Variants in BCORL1 observed in about 807,000 individuals in gnomAD.
BCORL1 encodes the protein BCL-6 corepressor-like protein 1.
A neutral mutation model predicts 87.6 loss-of-function variants in BCORL1; 7 were observed. The observed-to-expected ratio is 0.08, with a 90% CI of 0.05 to 0.15. BCORL1 has a LOEUF of 0.15. Among genes scored for constraint, BCORL1 ranks in the 10% least tolerant of loss-of-function variants. The pLI is 1.00. For missense variants in BCORL1, 1,215 were observed against 1,499.7 expected (o/e 0.81, Z 3.13); for synonymous variants, 591 against 634.4 (o/e 0.93, Z 1.03).
In BCORL1 at chrX:130,037,516, T is replaced by C. The variant is rs761149432; in HGVS notation, c.4677T>C (p.Ser1559=). Residue 1559 remains serine, a synonymous_variant, in exon 10 of 14, where the codon AGT becomes AGC. Coordinates refer to ENST00000540052, the MANE Select transcript of BCORL1 (RefSeq NM_001379451.1). ...LLEHGANVNC[S]AQDGTRPVHD... is the part of the protein sequence containing the mutation. Reference sequence around the variant, plus strand: ...AGCACGGGGCCAACGTGAACTGCAGTGCGCAGGACGGCACGAGGCAAGAGG... The same window carrying C: ...AGCACGGGGCCAACGTGAACTGCAGCGCGCAGGACGGCACGAGGCAAGAGG... 17 of 1,207,055 alleles carry C rather than the reference T, an allele frequency of 1.4e-5. No homozygotes were observed. Among genetic ancestry groups the C allele is most frequent in the Admixed American group, 4.4e-5 (2 of 45,564 alleles).
At chrX:130,050,619 C>A in intron 11 of BCORL1, 98 bp from the exon 12 acceptor site, 1 of 710,310 alleles carries the variant, frequency 1.4e-6, no homozygotes. Context: ...CCTTCCTTCC[C>A]TTCTCCCATT....
chrX:129,999,005 CAT>C (rs1280194622), intron 1 of BCORL1, among the ~76,000 whole-genome samples: 3 of 109,466 alleles, frequency 2.7e-5, no homozygotes, highest in Non-Finnish European at 5.7e-5. Flanking sequence ...GTGGTCATAA[CAT>C]GTGTATTATA....
At chrX:130,051,834 T>G (rs1436056722) in intron 12 of BCORL1, 26 bp from the exon 13 acceptor site, 10 of 1,155,046 alleles carry the variant, frequency 8.7e-6, no homozygotes, top group Non-Finnish European at 1.0e-5. Flanking sequence ...ATCTGAGTCC[T>G]AATCCCCTAT....
rs142798050 is a variant in BCORL1, at chrX:130,020,737, G to A, written c.3442-248G>A. ...GGTGTTTATTCACTGGCTTTTGAAC[G>A]CAGACTCTGTAGACCTCTTTAAAGT... On this transcript the variant is annotated intron_variant, in intron 4 of 13. Coordinates refer to ENST00000540052, the MANE Select transcript of BCORL1 (RefSeq NM_001379451.1). 8.0e-3 allele frequency among the ~76,000 whole-genome samples: 897 copies of A among 111,618 alleles called. 11 individuals carry two copies. Among genetic ancestry groups the A allele is most frequent in the African/African-American group, 0.028 (847 of 30,649 alleles).
At chrX:130,054,054 C>T (rs1426392719) in intron 13 of BCORL1, among the ~76,000 whole-genome samples, 1 of 112,169 alleles carries the variant, frequency 8.9e-6, no homozygotes, top group Non-Finnish European at 1.9e-5. Context: ...ATAAACATGT[C>T]TTAAACAGCT....
intron 4 of BCORL1, among the ~76,000 whole-genome samples, chrX:130,020,710 TG>T (rs1471117852): frequency 8.9e-6 from 1 of 111,813 alleles, no homozygotes; most frequent in Non-Finnish European, 1.9e-5. Flanking sequence ...AAAATGACTT[TG>T]GGTGTTTATT....
rs1206735842 is a variant in BCORL1 at position 130,037,363 on chromosome X, A to G, written c.4528-4A>G. Reference sequence around the variant, plus strand: ...TGCTCATGGAGTTGTCCCTGTCCCCACAGGATGTTGTTCTCTACTGCCTCC... The same window carrying G: ...TGCTCATGGAGTTGTCCCTGTCCCCGCAGGATGTTGTTCTCTACTGCCTCC... On this transcript the variant is annotated splice_polypyrimidine_tract_variant and splice_region_variant and intron_variant, in intron 9 of 13. Transcript: ENST00000540052. 6 of 1,208,851 alleles carry G rather than the reference A, an allele frequency of 5.0e-6. No individual in the cohort carries two copies. The highest frequency in any genetic ancestry group is 2.2e-5 in the Admixed American group (1 of 45,699).
chrX:130,043,062 C>G lies in BCORL1; in HGVS notation c.4840+3780C>G, dbSNP rs184825225. Among the ~76,000 whole-genome samples the G allele has an allele frequency of 6.5e-3, 618 of 94,850 alleles. 5 individuals are homozygous for G. Among genetic ancestry groups the G allele is most frequent in the African/African-American group, 0.023 (566 of 25,058 alleles). The allele number at this position is 94,850 out of a possible 115,157, so 82.4% of individuals were successfully genotyped here. ...TTTTTTTTTTTTTCCTGAGACAAAT[C>G]TCACTGTTACCCAGGCTGGAATGCA... On this transcript the variant is annotated intron_variant, in intron 11 of 13. Transcript: ENST00000540052.
chrX:130,032,707 C>T (rs999110669), intron 8 of BCORL1, among the ~76,000 whole-genome samples: 7 of 110,243 alleles, frequency 6.3e-5, no homozygotes, highest in South Asian at 3.8e-4. Flanking sequence ...CCAATTATAG[C>T]ATCACCTCCA....
intron 2 of BCORL1, among the ~76,000 whole-genome samples, chrX:130,007,910 C>T (rs1928622615): frequency 8.9e-6 from 1 of 112,371 alleles, no homozygotes. Context: ...GGCTCAAAAT[C>T]TGATTTTCCC....
At chrX:130,022,818 C>A in intron 5 of BCORL1, 79 bp from the exon 6 acceptor site, 1 of 887,097 alleles carries the variant, frequency 1.1e-6, no homozygotes, top group East Asian at 3.1e-5. Flanking sequence ...TCCCCCGAGC[C>A]TCACAGGTGG....
intron 11 of BCORL1, among the ~76,000 whole-genome samples, chrX:130,045,952 G>C (rs957300067): frequency 1.9e-4 from 21 of 110,870 alleles, no homozygotes; most frequent in Non-Finnish European, 3.4e-4. Flanking sequence ...AATTTATCGA[G>C]ATGAAATTCA....
chrX:130,039,098 C>T, intron 10 of BCORL1, 39 bp from the exon 11 acceptor site: 1 of 1,203,905 alleles, frequency 8.3e-7, no homozygotes, highest in Non-Finnish European at 1.1e-6. Flanking sequence ...CCAGTTCCCA[C>T]TTGGGCCCTG....
chrX:130,032,733 C>CTATT (rs61204194), intron 8 of BCORL1, among the ~76,000 whole-genome samples: 3,037 of 87,534 alleles, frequency 0.035, 46 homozygotes, highest in African/African-American at 0.058. Flanking sequence ...AGAATCTCTT[C>CTATT]TATTTATTTA....
At chrX:130,042,967 C>T (rs774146927) in intron 11 of BCORL1, among the ~76,000 whole-genome samples, 13 of 68,820 alleles carry the variant, frequency 1.9e-4, no homozygotes, top group Admixed American at 5.6e-4. Context: ...AGCGAGACTC[C>T]GTCTCAAAAA....
At chrX:129,991,316 T>C (rs1349831458) in intron 1 of BCORL1, among the ~76,000 whole-genome samples, 56 of 110,658 alleles carry the variant, frequency 5.1e-4, no homozygotes, top group Non-Finnish European at 8.7e-4. Flanking sequence ...GATGGGGTTT[T>C]GCCATGTTGG....
intron 8 of BCORL1, among the ~76,000 whole-genome samples, chrX:130,033,177 G>T (rs1203776710): frequency 1.8e-5 from 2 of 108,982 alleles, no homozygotes; most frequent in Admixed American, 9.8e-5. Flanking sequence ...CCCCTCCCGG[G>T]CTCAAGTGAT....
At chrX:130,024,923 T>A in intron 6 of BCORL1, 67 bp from the exon 7 acceptor site, 1 of 1,160,475 alleles carries the variant, frequency 8.6e-7, no homozygotes, top group East Asian at 3.0e-5. Context: ...TCCAGGGCAT[T>A]CACTTCGACA....
intron 1 of BCORL1, among the ~76,000 whole-genome samples, chrX:130,000,175 AG>A (rs1927934351): frequency 2.8e-5 from 3 of 108,720 alleles, no homozygotes; most frequent in Non-Finnish European, 5.7e-5. Flanking sequence ...CCTCCCAAGT[AG>A]CTGGGAATAC....
Sources: gnomAD v4.1 joint callset for allele counts (sites outside exome capture counted in the v4.1 genomes callset) on GRCh38, gnomAD v4.1.1 for gene constraint, MANE v1.5 for transcripts, NCBI Gene and HGNC (gene_info 2026-07-23, HGNC 2026-07-21) for gene names.